DOCK1: variants seen among roughly 807,000 people sequenced by gnomAD.
DOCK1 encodes the protein dedicator of cytokinesis protein 1.
A neutral mutation model predicts 262.7 loss-of-function variants in DOCK1; 138 were observed. That is an observed-to-expected ratio of 0.53 (90% CI 0.46 to 0.61). DOCK1 has a LOEUF of 0.61. DOCK1 is among the 20% of genes least tolerant of loss of function. DOCK1 has a pLI of 0.00. For synonymous variants in DOCK1, 866 were observed against 867.4 expected, an observed-to-expected ratio of 1.00 and a Z score of 0.03; for missense variants, 1,908 against 2,370.7, an observed-to-expected ratio of 0.80 and a Z score of 4.05.
chr10:127,369,690 G>T (rs960244378), intron 33 of DOCK1, among the ~76,000 whole-genome samples: 6 of 151,678 alleles, frequency 4.0e-5, no homozygotes, highest in Non-Finnish European at 8.8e-5. Flanking sequence ...AGTGGCTCTG[G>T]GTCCTCCAGG....
chr10:127,419,530 A>C (rs1590977429), intron 45 of DOCK1, 136 bp from the exon 46 acceptor site: 2 of 778,006 alleles, frequency 2.6e-6, no homozygotes, highest in Non-Finnish European at 4.2e-6. Context: ...GAAGGGTGTG[A>C]CCCTGAGTCT....
chr10:127,277,572 A>G (rs1348980328), intron 29 of DOCK1, among the ~76,000 whole-genome samples: 1 of 152,144 alleles, frequency 6.6e-6, no homozygotes, highest in Non-Finnish European at 1.5e-5. Flanking sequence ...AGGCTGACCA[A>G]TATGGTGAAA....
chr10:126,962,171 T>TG (rs1434549304), intron 1 of DOCK1, among the ~76,000 whole-genome samples: 2 of 151,274 alleles, frequency 1.3e-5, no homozygotes, highest in Non-Finnish European at 2.9e-5. Context: ...CTCTTTTTTT[T>TG]TTTTTGAGAT....
At chr10:127,198,050 T>C (rs2057295211) in intron 27 of DOCK1, among the ~76,000 whole-genome samples, 1 of 152,204 alleles carries the variant, frequency 6.6e-6, no homozygotes, top group African/African-American at 2.4e-5. Flanking sequence ...CTTGTTGTTC[T>C]TCTTAACTCA....
chr10:126,959,505 G>A (rs1384406817), intron 1 of DOCK1, among the ~76,000 whole-genome samples: 5 of 151,772 alleles, frequency 3.3e-5, no homozygotes, highest in Non-Finnish European at 5.9e-5. Context: ...CCTTAGACAC[G>A]AATTTGGACT....
chr10:127,049,101 T>A (rs1399010638), intron 21 of DOCK1, among the ~76,000 whole-genome samples: 2 of 152,228 alleles, frequency 1.3e-5, no homozygotes, highest in East Asian at 3.8e-4. Context: ...ATCTATTTTA[T>A]AATTTATTTT....
chr10:127,201,287 G>A (rs757115161), intron 27 of DOCK1, among the ~76,000 whole-genome samples: 1 of 152,132 alleles, frequency 6.6e-6, no homozygotes, highest in African/African-American at 2.4e-5. Context: ...CTCTCGCTTT[G>A]TGTAAAGCCC....
chr10:127,096,537 A>G (rs1049248787), intron 23 of DOCK1, among the ~76,000 whole-genome samples: 9 of 152,144 alleles, frequency 5.9e-5, no homozygotes, highest in Non-Finnish European at 1.2e-4. Context: ...TTCAAGAAAA[A>G]CTTATTTTGT....
intron 29 of DOCK1, among the ~76,000 whole-genome samples, chr10:127,260,518 G>A (rs1411481857): frequency 6.6e-6 from 1 of 152,194 alleles, no homozygotes; most frequent in Non-Finnish European, 1.5e-5. Context: ...TGTGAGGCCA[G>A]GTCGTTGAGC....
intron 29 of DOCK1, among the ~76,000 whole-genome samples, chr10:127,263,328 C>T (rs1385587224): frequency 7.5e-5 from 2 of 26,770 alleles, no homozygotes; most frequent in Non-Finnish European, 1.5e-4. Flanking sequence ...CTTTATCTAC[C>T]TGCCATATAT....
intron 35 of DOCK1, among the ~76,000 whole-genome samples, chr10:127,377,911 AAG>A: frequency 6.8e-6 from 1 of 146,296 alleles, no homozygotes; most frequent in Non-Finnish European, 1.5e-5. Context: ...AAAAAAAAAG[AAG>A]AAAGAAAATG....
At chr10:127,301,536 G>T (rs2061678560) in intron 29 of DOCK1, among the ~76,000 whole-genome samples, 1 of 152,176 alleles carries the variant, frequency 6.6e-6, no homozygotes, top group Non-Finnish European at 1.5e-5. Context: ...ATTTCTCCAG[G>T]CTGTGTGGTC....
At chr10:127,354,648 T>C (rs779242174) in intron 31 of DOCK1, 21 bp from the exon 32 acceptor site, 2 of 1,613,556 alleles carry the variant, frequency 1.2e-6, no homozygotes, top group Non-Finnish European at 1.7e-6. Context: ...ATTCAGCGTT[T>C]TTCTTTTCCC....
intron 1 of DOCK1, among the ~76,000 whole-genome samples, chr10:126,954,916 CG>C (rs2036608919): frequency 6.6e-6 from 1 of 152,110 alleles, no homozygotes. Flanking sequence ...TTCAAGTCCC[CG>C]CTTTCAGTTA....
At chr10:127,273,064 A>G (rs556474105) in intron 29 of DOCK1, among the ~76,000 whole-genome samples, 5 of 152,208 alleles carry the variant, frequency 3.3e-5, no homozygotes, top group East Asian at 1.9e-4. Context: ...AACCATATCA[A>G]CCACCTTTCC....
intron 1 of DOCK1, among the ~76,000 whole-genome samples, chr10:126,926,255 CTTT>C (rs559299060): frequency 6.9e-6 from 1 of 145,156 alleles, no homozygotes; most frequent in African/African-American, 2.5e-5. Context: ...TTCTTTCTTT[CTTT>C]TTTTTTTTTA....
In DOCK1 at chr10:127,337,390, C is replaced by T. The variant is rs144864111; in HGVS notation, c.3045-1616C>T. On this transcript the variant is annotated intron_variant, in intron 29 of 51. Coordinates refer to ENST00000623213, the MANE Select transcript of DOCK1 (RefSeq NM_001290223.2). ...GGCTGATTAGAGTTGCCAGGCATCC[C>T]GTATATGCAAAGCATGTCCTGAATT... is the stretch of plus-strand genomic sequence containing the variant. Among the ~76,000 whole-genome samples, 55 of 152,216 alleles carry T rather than the reference C, an allele frequency of 3.6e-4. No individual in the cohort carries two copies. The East Asian group carries it at 9.3e-3, about 26-fold the overall frequency.
chr10:126,961,707 C>T (rs2037235693), intron 1 of DOCK1, among the ~76,000 whole-genome samples: 1 of 152,210 alleles, frequency 6.6e-6, no homozygotes, highest in East Asian at 1.9e-4. Context: ...GGATATTCCA[C>T]TGTATGTATG....
intron 1 of DOCK1, among the ~76,000 whole-genome samples, chr10:126,932,447 A>G (rs943973052): frequency 0.031 from 4,734 of 152,312 alleles, 272 homozygotes; most frequent in African/African-American, 0.11. Context: ...CAACAGGCTG[A>G]TAGGATTTCT....
Sources: gnomAD v4.1 joint callset for allele counts (sites outside exome capture counted in the v4.1 genomes callset) on GRCh38, gnomAD v4.1.1 for gene constraint, MANE v1.5 for transcripts, NCBI Gene and HGNC (gene_info 2026-07-23, HGNC 2026-07-21) for gene names.